PDE1A: variants seen among roughly 807,000 people sequenced by gnomAD.
PDE1A encodes phosphodiesterase 1A.
In PDE1A, 35 loss-of-function variants were observed where a neutral mutation model predicts 61.7. The observed-to-expected ratio is 0.57, with a 90% CI of 0.43 to 0.75. The LOEUF (loss-of-function observed/expected upper bound fraction) is 0.75, where lower values mean the gene tolerates loss of function less well. Among genes scored for constraint, PDE1A ranks in the 30% least tolerant of loss-of-function variants. The probability of loss-of-function intolerance (pLI) is 0.00; values close to 1 mark genes in which losing one functional copy is unlikely to be tolerated. For missense variants in PDE1A, 597 were observed against 630.6 expected, an observed-to-expected ratio of 0.95 and a Z score of 0.57; for synonymous variants, 232 against 213.2, an observed-to-expected ratio of 1.09 and a Z score of -0.77.
At chr2:182,672,672 G>A in the PDE1A span, among the ~76,000 whole-genome samples, 97,034 of 152,066 alleles carry the variant, frequency 0.64, 31,481 homozygotes, top group Middle Eastern at 0.78. Context: ...TTGACCAGCC[G>A]TTAGTAACAA....
chr2:182,242,516 A>G (rs13024682), intron 2 of PDE1A, among the ~76,000 whole-genome samples: 64,549 of 152,062 alleles, frequency 0.42, 14,106 homozygotes, highest in Middle Eastern at 0.58. Flanking sequence ...TTTATGTGTC[A>G]CCATAGGTAG....
At chr2:182,629,158 C>G in the PDE1A span, among the ~76,000 whole-genome samples, 1 of 152,124 alleles carries the variant, frequency 6.6e-6, no homozygotes, top group Non-Finnish European at 1.5e-5. Flanking sequence ...ATTCTACCAA[C>G]AATAATGCAA....
intron 1 of PDE1A, among the ~76,000 whole-genome samples, chr2:182,376,398 C>T (rs1295796712): frequency 2.0e-5 from 3 of 152,198 alleles, no homozygotes; most frequent in African/African-American, 7.2e-5. Context: ...AGGGACAAAA[C>T]GCTGCCAGTC....
chr2:182,379,777 G>T (rs1700620288), intron 1 of PDE1A, among the ~76,000 whole-genome samples: 1 of 151,954 alleles, frequency 6.6e-6, no homozygotes, highest in South Asian at 2.1e-4. Context: ...ATCTTGCTTA[G>T]TCTACAGCAG....
chr2:182,244,484 C>A (rs1690803304), intron 2 of PDE1A, among the ~76,000 whole-genome samples: 1 of 152,056 alleles, frequency 6.6e-6, no homozygotes, highest in Non-Finnish European at 1.5e-5. Context: ...CATTTTCCTC[C>A]TCCATTTGCT....
intron 2 of PDE1A, among the ~76,000 whole-genome samples, chr2:182,472,026 C>T (rs1038370314): frequency 8.6e-5 from 13 of 151,604 alleles, no homozygotes; most frequent in East Asian, 1.9e-4. Context: ...CTTACACTAA[C>T]GAGAATGACT....
At chr2:182,495,917 G>A (rs577750084) in intron 2 of PDE1A, among the ~76,000 whole-genome samples, 3 of 152,208 alleles carry the variant, frequency 2.0e-5, no homozygotes, top group Non-Finnish European at 4.4e-5. Flanking sequence ...TCAATGCACT[G>A]TTCTTCAAAA....
chr2:182,301,144 C>T (rs2125917124), intron 1 of PDE1A, among the ~76,000 whole-genome samples: 1 of 152,168 alleles, frequency 6.6e-6, no homozygotes, highest in South Asian at 2.1e-4. Flanking sequence ...ACTAAAGAAC[C>T]CATATTACAG....
At chr2:182,264,768 TAGG>T (rs1276401660) in intron 1 of PDE1A, among the ~76,000 whole-genome samples, 1 of 150,022 alleles carries the variant, frequency 6.7e-6, no homozygotes, top group Non-Finnish European at 1.5e-5. Context: ...ATGTTGGCAC[TAGG>T]AGAATATTCA....
At chr2:182,168,311 CT>C (rs1199552102) in intron 13 of PDE1A, 6 of 1,527,186 alleles carry the variant, frequency 3.9e-6, no homozygotes, top group Middle Eastern at 1.7e-4. Context: ...AAAAAGCGTA[CT>C]TATTTTAATA....
At chr2:182,271,622 T>A (rs984091685) in intron 1 of PDE1A, among the ~76,000 whole-genome samples, 3 of 152,138 alleles carry the variant, frequency 2.0e-5, no homozygotes, top group Non-Finnish European at 4.4e-5. Context: ...TCCTTGAAGA[T>A]AAGAAAACAG....
At chr2:182,594,801 C>T in the PDE1A span, among the ~76,000 whole-genome samples, 51 of 152,186 alleles carry the variant, frequency 3.4e-4, no homozygotes, top group Admixed American at 9.2e-4. Flanking sequence ...GCACAGAGAT[C>T]TACCATTCAG....
intron 1 of PDE1A, among the ~76,000 whole-genome samples, chr2:182,315,712 A>G (rs563249098): frequency 6.6e-6 from 1 of 152,334 alleles, no homozygotes; most frequent in South Asian, 2.1e-4. Context: ...TTTCTGGGAC[A>G]CTGGGGCACA....
At chr2:182,526,472 T>C (rs557188264), upstream of PDE1A, among the ~76,000 whole-genome samples, 2 of 152,262 alleles carry the variant, frequency 1.3e-5, 1 homozygote, top group South Asian at 4.1e-4. Context: ...ATAGAAACCA[T>C]AAAAGGCTAC....
chr2:182,688,284 T>C, the PDE1A span, among the ~76,000 whole-genome samples: 826 of 152,216 alleles, frequency 5.4e-3, 9 homozygotes, highest in African/African-American at 0.019. Flanking sequence ...GAGAGAAAGA[T>C]CCGGTTACCC....
At chr2:182,172,842 G>A (rs1050145172) in intron 13 of PDE1A, among the ~76,000 whole-genome samples, 1 of 151,964 alleles carries the variant, frequency 6.6e-6, no homozygotes, top group Non-Finnish European at 1.5e-5. Context: ...TAGAGAGATA[G>A]GAAAACATAG....
At chr2:182,501,033 T>C (rs1015078883) in intron 2 of PDE1A, among the ~76,000 whole-genome samples, 7 of 152,228 alleles carry the variant, frequency 4.6e-5, no homozygotes, top group African/African-American at 1.7e-4. Context: ...AACAAAATCA[T>C]CAGAAAAAGG....
intron 1 of PDE1A, among the ~76,000 whole-genome samples, 156 bp from the exon 2 acceptor site, chr2:182,264,570 T>C (rs1374658624): frequency 6.6e-6 from 1 of 152,004 alleles, no homozygotes; most frequent in Non-Finnish European, 1.5e-5. Flanking sequence ...TTTGATATAA[T>C]TAAGACCAGT....
At chr2:182,239,025 TA>T (rs1303197634) in intron 3 of PDE1A, among the ~76,000 whole-genome samples, 1 of 152,224 alleles carries the variant, frequency 6.6e-6, no homozygotes, top group African/African-American at 2.4e-5. Flanking sequence ...ACTATTTAGA[TA>T]TTTTTAATTT....
Sources: gnomAD v4.1 joint callset for allele counts (sites outside exome capture counted in the v4.1 genomes callset) on GRCh38, gnomAD v4.1.1 for gene constraint, MANE v1.5 for transcripts, NCBI Gene and HGNC (gene_info 2026-07-23, HGNC 2026-07-21) for gene names.